FAM135B: variants seen among roughly 807,000 people sequenced by gnomAD.
The protein encoded by FAM135B is family with sequence similarity 135 member B.
Under a neutral mutation model 127.7 loss-of-function variants are expected in FAM135B, and 43 were observed. That is an observed-to-expected ratio of 0.34 (90% CI 0.26 to 0.43). The LOEUF is 0.43. Among genes scored for constraint, FAM135B ranks in the 20% least tolerant of loss-of-function variants. The pLI is 1.00. For missense variants in FAM135B, 1,558 were observed against 1,725.6 expected, an observed-to-expected ratio of 0.90 and a Z score of 1.72; for synonymous variants, 670 against 665.1, an observed-to-expected ratio of 1.01 and a Z score of -0.11.
intron 1 of FAM135B, among the ~76,000 whole-genome samples, chr8:138,442,273 T>C (rs930024053): frequency 7.2e-6 from 1 of 139,030 alleles, no homozygotes; most frequent in African/African-American, 2.6e-5. Flanking sequence ...TATATATATA[T>C]ATATGAAAAA....
intron 2 of FAM135B, among the ~76,000 whole-genome samples, chr8:138,342,384 T>C (rs959934813): frequency 6.6e-6 from 1 of 152,220 alleles, no homozygotes; most frequent in Non-Finnish European, 1.5e-5. Context: ...GAAGTTTCAT[T>C]GCTGCTTTGG....
At chr8:138,160,302 G>A (rs1052471976) in intron 12 of FAM135B, among the ~76,000 whole-genome samples, 8 of 152,106 alleles carry the variant, frequency 5.3e-5, no homozygotes, top group Non-Finnish European at 7.4e-5. Flanking sequence ...GAAGGCTTAT[G>A]GAAACCCACA....
chr8:138,480,900 T>A (rs1814747308), intron 1 of FAM135B, among the ~76,000 whole-genome samples: 1 of 152,222 alleles, frequency 6.6e-6, no homozygotes. Flanking sequence ...TTCAGAATCT[T>A]CATTTGTGAA....
At chr8:138,386,262 A>T (rs1025361180) in intron 1 of FAM135B, among the ~76,000 whole-genome samples, 1 of 152,040 alleles carries the variant, frequency 6.6e-6, no homozygotes, top group African/African-American at 2.4e-5. Context: ...CAAACAAACA[A>T]CCAAACAACA....
At chr8:138,369,144 A>G (rs1169694653) in intron 1 of FAM135B, among the ~76,000 whole-genome samples, 1 of 152,154 alleles carries the variant, frequency 6.6e-6, no homozygotes, top group Non-Finnish European at 1.5e-5. Context: ...TAGACTCCCG[A>G]TAGGATAAGA....
chr8:138,147,367 G>A (rs900124802), intron 14 of FAM135B, among the ~76,000 whole-genome samples: 2 of 151,826 alleles, frequency 1.3e-5, no homozygotes, highest in Non-Finnish European at 2.9e-5. Flanking sequence ...AGCTACTGAG[G>A]GAAAGAGAAC....
chr8:138,194,516 G>A (rs956146956), intron 9 of FAM135B, among the ~76,000 whole-genome samples: 3 of 152,224 alleles, frequency 2.0e-5, no homozygotes, highest in Non-Finnish European at 4.4e-5. Flanking sequence ...CTCAGGCAAA[G>A]ATGCATCATT....
At chr8:138,447,308 T>C (rs1836231281) in intron 1 of FAM135B, among the ~76,000 whole-genome samples, 1 of 152,098 alleles carries the variant, frequency 6.6e-6, no homozygotes, top group Admixed American at 6.6e-5. Context: ...TTACTGGGTA[T>C]ATACCCAAAG....
At chr8:138,133,538 T>A (rs576874907) in intron 19 of FAM135B, among the ~76,000 whole-genome samples, 1 of 152,322 alleles carries the variant, frequency 6.6e-6, no homozygotes, top group East Asian at 1.9e-4. Flanking sequence ...TCTGGAATGA[T>A]CCTGAGAGCT....
At chr8:138,340,860 T>C (rs758579669) in intron 2 of FAM135B, among the ~76,000 whole-genome samples, 1 of 152,180 alleles carries the variant, frequency 6.6e-6, no homozygotes, top group African/African-American at 2.4e-5. Flanking sequence ...TAAATGGCCC[T>C]TCTTTCTCTT....
intron 1 of FAM135B, among the ~76,000 whole-genome samples, chr8:138,406,693 T>C (rs1457810839): frequency 6.6e-6 from 1 of 151,666 alleles, no homozygotes; most frequent in African/African-American, 2.4e-5. Context: ...GAAAAGGCCT[T>C]TGACAAAATT....
chr8:138,485,289 C>A (rs1462681615), intron 1 of FAM135B, among the ~76,000 whole-genome samples: 1 of 152,244 alleles, frequency 6.6e-6, no homozygotes, highest in Non-Finnish European at 1.5e-5. Flanking sequence ...AAGGCATAAC[C>A]ATTTCCAAAG....
intron 3 of FAM135B, among the ~76,000 whole-genome samples, chr8:138,287,667 G>T (rs1339685922): frequency 2.0e-5 from 3 of 152,078 alleles, no homozygotes; most frequent in Non-Finnish European, 4.4e-5. Context: ...TGCAGTGTTT[G>T]CTGATTTCCT....
intron 1 of FAM135B, among the ~76,000 whole-genome samples, chr8:138,387,086 A>G (rs1306344374): frequency 6.6e-6 from 1 of 152,204 alleles, no homozygotes; most frequent in East Asian, 1.9e-4. Flanking sequence ...ATTTAATCTG[A>G]CATATGTATT....
rs927811963 is a variant in FAM135B at position 138,221,808 on chromosome 8, A to G, written c.669+21134T>C. On this transcript the variant is annotated intron_variant, in intron 7 of 19. Coordinates refer to ENST00000395297, the MANE Select transcript of FAM135B (RefSeq NM_015912.4). ...GATTCCAAGTAACTTAACCACATCC[A>G]ATTACAAAGCTAAAGAATGCATATG... Among the ~76,000 whole-genome samples the G allele has an allele frequency of 5.3e-5, 8 of 152,364 alleles. No individual in the cohort carries two copies. The South Asian group carries it at 1.7e-3, about 32-fold the overall frequency.
At chr8:138,295,133 G>GTTTTTTTTTTTTTTTT (rs1825391498) in intron 3 of FAM135B, among the ~76,000 whole-genome samples, 1 of 115,408 alleles carries the variant, frequency 8.7e-6, no homozygotes, top group African/African-American at 3.5e-5. Flanking sequence ...TTTTTTTTGG[G>GTTTTTTTTTTTTTTTT]TAGGAATCCC....
At chr8:138,409,415 A>C (rs2131397875) in intron 1 of FAM135B, among the ~76,000 whole-genome samples, 1 of 152,348 alleles carries the variant, frequency 6.6e-6, no homozygotes, top group Admixed American at 6.5e-5. Flanking sequence ...CAGACATAAA[A>C]ATAATGAAAA....
At chr8:138,422,216 G>T (rs1834553138) in intron 1 of FAM135B, among the ~76,000 whole-genome samples, 1 of 152,198 alleles carries the variant, frequency 6.6e-6, no homozygotes, top group Non-Finnish European at 1.5e-5. Context: ...CCTTCACAAA[G>T]ATTTTATGAC....
rs147078166 is a variant in FAM135B at position 138,380,557 on chromosome 8, T to C, written c.-19-12555A>G. ...TGATCCAGTGGTCCCTACCACCACC[T>C]TGTCCACCCGCTCCTTACACAGATA... On this transcript the variant is annotated intron_variant, in intron 1 of 19. Coordinates refer to ENST00000395297, the MANE Select transcript of FAM135B (RefSeq NM_015912.4). 8.9e-3 allele frequency among the ~76,000 whole-genome samples: 1,347 copies of C among 152,162 alleles called. 23 individuals are homozygous for C. Among genetic ancestry groups the C allele is most frequent in the African/African-American group, 0.031 (1,289 of 41,502 alleles).
Sources: gnomAD v4.1 joint callset for allele counts (sites outside exome capture counted in the v4.1 genomes callset) on GRCh38, gnomAD v4.1.1 for gene constraint, MANE v1.5 for transcripts, NCBI Gene and HGNC (gene_info 2026-07-23, HGNC 2026-07-21) for gene names.